Variants in CAMKMT observed in about 807,000 individuals in gnomAD.
The protein encoded by CAMKMT is CaM KMT.
In CAMKMT, 53 loss-of-function variants were observed where a neutral mutation model predicts 48.0. The observed-to-expected ratio is 1.10, with a 90% CI of 0.89 to 1.39. The LOEUF is 1.39. CAMKMT is among the 40% of genes most tolerant of loss of function. CAMKMT has a pLI of 0.00. For missense variants in CAMKMT, 428 were observed against 402.7 expected, an observed-to-expected ratio of 1.06 and a Z score of -0.54; for synonymous variants, 165 against 152.3, an observed-to-expected ratio of 1.08 and a Z score of -0.61.
chr2:44,637,806 C>A (rs1673216406), intron 3 of CAMKMT, among the ~76,000 whole-genome samples: 1 of 151,998 alleles, frequency 6.6e-6, no homozygotes, highest in Admixed American at 6.5e-5. Context: ...GTGGCTCACG[C>A]CTGTAATCCC....
chr2:44,709,490 G>T (rs1677756567), intron 6 of CAMKMT, among the ~76,000 whole-genome samples: 1 of 152,060 alleles, frequency 6.6e-6, no homozygotes, highest in South Asian at 2.1e-4. Context: ...GAAAAAGCAT[G>T]CATAAAGCCT....
At chr2:44,595,346 T>C (rs918823096) in intron 3 of CAMKMT, among the ~76,000 whole-genome samples, 16 of 152,180 alleles carry the variant, frequency 1.1e-4, no homozygotes, top group Non-Finnish European at 1.8e-4. Context: ...CCGCAGGTGA[T>C]CTGCCCGCCT....
intron 3 of CAMKMT, among the ~76,000 whole-genome samples, chr2:44,467,776 T>C (rs996246119): frequency 6.6e-6 from 1 of 152,092 alleles, no homozygotes; most frequent in Non-Finnish European, 1.5e-5. Context: ...CTTCAGTAAA[T>C]AGTGGTGGGA....
At chr2:44,406,136 G>C (rs1682761189) in intron 3 of CAMKMT, among the ~76,000 whole-genome samples, 1 of 152,138 alleles carries the variant, frequency 6.6e-6, no homozygotes, top group African/African-American at 2.4e-5. Context: ...AAGATACTAA[G>C]CAGGTAATAG....
intron 3 of CAMKMT, among the ~76,000 whole-genome samples, chr2:44,658,488 AT>A (rs539269176): frequency 4.6e-5 from 7 of 152,194 alleles, no homozygotes; most frequent in African/African-American, 1.7e-4. Flanking sequence ...CCTCTGAAGA[AT>A]TTTTTTACAA....
chr2:44,747,322 C>T (rs1478697173), intron 8 of CAMKMT, among the ~76,000 whole-genome samples: 1 of 152,084 alleles, frequency 6.6e-6, no homozygotes, highest in African/African-American at 2.4e-5. Flanking sequence ...ATACTGTAGG[C>T]TCTAGAATTT....
intron 3 of CAMKMT, among the ~76,000 whole-genome samples, chr2:44,682,998 G>T (rs560234120): frequency 6.6e-6 from 1 of 151,846 alleles, no homozygotes; most frequent in Non-Finnish European, 1.5e-5. Flanking sequence ...ACAAACAGAA[G>T]CCCAATTATA....
At chr2:44,591,111 A>T (rs564001620) in intron 3 of CAMKMT, among the ~76,000 whole-genome samples, 2 of 150,738 alleles carry the variant, frequency 1.3e-5, no homozygotes, top group Non-Finnish European at 3.0e-5. Flanking sequence ...CCATTGATCT[A>T]TATCTCTGTT....
chr2:44,523,727 C>T (rs1671248695), intron 3 of CAMKMT, among the ~76,000 whole-genome samples: 1 of 150,474 alleles, frequency 6.6e-6, no homozygotes, highest in Non-Finnish European at 1.5e-5. Flanking sequence ...GGACTTCTTG[C>T]ATGATTGTGC....
intron 3 of CAMKMT, among the ~76,000 whole-genome samples, chr2:44,414,701 A>G (rs1465871845): frequency 6.6e-6 from 1 of 152,204 alleles, no homozygotes; most frequent in African/African-American, 2.4e-5. Flanking sequence ...AAATATGAAG[A>G]TGCAAAGATC....
intron 3 of CAMKMT, among the ~76,000 whole-genome samples, chr2:44,542,107 C>T (rs963484627): frequency 3.6e-5 from 5 of 137,784 alleles, no homozygotes; most frequent in African/African-American, 1.1e-4. Flanking sequence ...CCAGCCTGGG[C>T]AACAAGAGTG....
chr2:44,511,771 C>G (rs1023047119), intron 3 of CAMKMT, among the ~76,000 whole-genome samples: 7 of 152,178 alleles, frequency 4.6e-5, no homozygotes, highest in Non-Finnish European at 7.3e-5. Context: ...GACTGTTCTT[C>G]CCTCAGATTT....
intron 3 of CAMKMT, among the ~76,000 whole-genome samples, chr2:44,566,380 ATTG>A (rs1313868110): frequency 6.6e-5 from 10 of 152,214 alleles, no homozygotes; most frequent in African/African-American, 2.4e-4. Flanking sequence ...ATGGTAGCTT[ATTG>A]TTGTATTACA....
chr2:44,572,731 G>A (rs75816972), intron 3 of CAMKMT, among the ~76,000 whole-genome samples: 2,251 of 152,118 alleles, frequency 0.015, 19 homozygotes, highest in South Asian at 0.033. Context: ...TATGAGTAAC[G>A]CTGCTATGGA....
rs577830728 is a variant in CAMKMT, at chr2:44,609,774, T to A, written c.377-94509T>A. 2.6e-5 allele frequency among the ~76,000 whole-genome samples: 4 copies of A among 152,304 alleles called. No homozygotes were observed. The South Asian group carries it at 8.3e-4, about 32-fold the overall frequency. ...GAGGGATGGAGGAGAAATGGCTCAT[T>A]TCCAGAAGGGTGGATTGGAATCACT... On this transcript the variant is annotated intron_variant, in intron 3 of 10. Transcript: ENST00000378494.
chr2:44,693,157 C>G (rs1410736821), intron 3 of CAMKMT, among the ~76,000 whole-genome samples: 2 of 152,196 alleles, frequency 1.3e-5, no homozygotes, highest in African/African-American at 4.8e-5. Context: ...TAGTAGTAGC[C>G]TCCTGCCTAG....
intron 3 of CAMKMT, among the ~76,000 whole-genome samples, chr2:44,675,518 A>C (rs1037537040): frequency 6.6e-6 from 1 of 152,168 alleles, no homozygotes; most frequent in East Asian, 1.9e-4. Flanking sequence ...TAAGAGAGGA[A>C]AAGAAACTAA....
At chr2:44,491,108 G>A (rs1375763649) in intron 3 of CAMKMT, among the ~76,000 whole-genome samples, 2 of 145,232 alleles carry the variant, frequency 1.4e-5, no homozygotes, top group East Asian at 2.0e-4. Flanking sequence ...CTGAGAGCAC[G>A]CCACTGCACT....
At chr2:44,738,773 A>T (rs1029969578) in intron 7 of CAMKMT, among the ~76,000 whole-genome samples, 1 of 152,188 alleles carries the variant, frequency 6.6e-6, no homozygotes, top group Non-Finnish European at 1.5e-5. Flanking sequence ...AGAGCAAGAT[A>T]AGGGGGTTTT....
Sources: gnomAD v4.1 joint callset for allele counts (sites outside exome capture counted in the v4.1 genomes callset) on GRCh38, gnomAD v4.1.1 for gene constraint, MANE v1.5 for transcripts, NCBI Gene and HGNC (gene_info 2026-07-23, HGNC 2026-07-21) for gene names.